Variants in UBE2V1 observed in about 807,000 individuals in gnomAD.
UBE2V1 encodes ubiquitin conjugating enzyme E2 V1.
In UBE2V1, 15 loss-of-function variants were observed where a neutral mutation model predicts 19.6. The ratio of observed to expected loss-of-function variants is 0.77; its 90% CI spans 0.51 to 1.18. UBE2V1 has a LOEUF of 1.18. Ranked by LOEUF, UBE2V1 falls within the 50% of genes most tolerant of loss-of-function variation. UBE2V1 has a pLI of 0.00. For missense variants in UBE2V1, 125 were observed against 184.8 expected, an observed-to-expected ratio of 0.68 and a Z score of 1.88; for synonymous variants, 60 against 60.7, an observed-to-expected ratio of 0.99 and a Z score of 0.05.
chr20:50,090,595 T>C (rs1208871427), intron 2 of UBE2V1, among the ~76,000 whole-genome samples: 3 of 151,932 alleles, frequency 2.0e-5, no homozygotes, highest in East Asian at 1.9e-4. Flanking sequence ...CAATTATACA[T>C]GGAATCTAAA....
chr20:50,101,334 T>C (rs913022205), intron 1 of UBE2V1, among the ~76,000 whole-genome samples: 3 of 152,138 alleles, frequency 2.0e-5, no homozygotes, highest in African/African-American at 7.2e-5. Context: ...AATAAACATT[T>C]ATTTCATTTG....
intron 1 of UBE2V1, among the ~76,000 whole-genome samples, chr20:50,105,282 T>C (rs1006275174): frequency 6.6e-6 from 1 of 152,214 alleles, no homozygotes; most frequent in Admixed American, 6.5e-5. Flanking sequence ...ACCCTAGTTA[T>C]AGAATTCAGG....
At chr20:50,097,339 T>C (rs760711867) in intron 1 of UBE2V1, among the ~76,000 whole-genome samples, 11 of 152,232 alleles carry the variant, frequency 7.2e-5, no homozygotes, top group Non-Finnish European at 1.5e-4. Context: ...AAATATTCTA[T>C]TGTTTTTCAA....
At chr20:50,111,004 T>C (rs753190270) in intron 1 of UBE2V1, among the ~76,000 whole-genome samples, 11 of 152,224 alleles carry the variant, frequency 7.2e-5, no homozygotes, top group Non-Finnish European at 8.8e-5. Context: ...CTTACTGCTA[T>C]CTGAAATTGT....
At position 50,082,598 on chromosome 20, in the gene UBE2V1, A is replaced by T. The variant is rs1416251387; in HGVS notation, c.*170T>A. Reference sequence around the variant, plus strand: ...AACTTATATATTTCAAATGGACAAAAAATTAGTATCATTTACAGTATCTTA... The same window carrying T: ...AACTTATATATTTCAAATGGACAAATAATTAGTATCATTTACAGTATCTTA... On this transcript the variant is annotated 3_prime_UTR_variant, in exon 4 of 4. Transcript: ENST00000371674. 3 of 1,255,754 alleles carry T rather than the reference A, an allele frequency of 2.4e-6. No individual in the cohort carries two copies. The highest frequency in any genetic ancestry group is 3.2e-6 in the Non-Finnish European group (3 of 941,776). 77.8% of individuals were successfully genotyped at this position (1,255,754 alleles called of 1,614,324 possible).
At chr20:50,087,566 G>C (rs2078994710) in intron 2 of UBE2V1, among the ~76,000 whole-genome samples, 1 of 152,120 alleles carries the variant, frequency 6.6e-6, no homozygotes, top group Non-Finnish European at 1.5e-5. Flanking sequence ...GAGAAATACT[G>C]CTCTTAAGAT....
chr20:50,103,171 A>G (rs990812769), intron 1 of UBE2V1, among the ~76,000 whole-genome samples: 2 of 152,314 alleles, frequency 1.3e-5, no homozygotes, highest in African/African-American at 4.8e-5. Flanking sequence ...TGAATCTCCA[A>G]TGTGTCAGGG....
chr20:50,111,440 A>G, intron 1 of UBE2V1: 1 of 1,000,152 alleles, frequency 1.0e-6, no homozygotes, highest in Non-Finnish European at 1.2e-6. Context: ...GTTTATTACG[A>G]CCCGGTAGGA....
chr20:50,096,577 G>A, intron 2 of UBE2V1, 95 bp downstream of exon 2: 2 of 1,605,486 alleles, frequency 1.2e-6, no homozygotes, highest in Non-Finnish European at 1.7e-6. Context: ...ATATACCATT[G>A]GTGAGCTTTT....
At chr20:50,089,944 G>C (rs374677811) in intron 2 of UBE2V1, among the ~76,000 whole-genome samples, 7 of 152,120 alleles carry the variant, frequency 4.6e-5, no homozygotes, top group Admixed American at 3.9e-4. Context: ...AGCTGGTTCT[G>C]GGCTTCAGTG....
intron 1 of UBE2V1, among the ~76,000 whole-genome samples, chr20:50,107,534 G>A (rs569300836): frequency 1.3e-5 from 2 of 151,808 alleles, no homozygotes; most frequent in African/African-American, 4.8e-5. Flanking sequence ...GAGAAGGGGA[G>A]GATGGTTAAT....
chr20:50,097,777 A>G (rs2147098282), intron 1 of UBE2V1, among the ~76,000 whole-genome samples: 1 of 152,346 alleles, frequency 6.6e-6, no homozygotes. Flanking sequence ...TCAATTGGCC[A>G]GACTCTCAGA....
At chr20:50,099,073 T>A in intron 1 of UBE2V1, 1 of 720,910 alleles carries the variant, frequency 1.4e-6, no homozygotes, top group Non-Finnish European at 1.7e-6. Flanking sequence ...TAATCCTAAT[T>A]AGGCTAGCGG....
At chr20:50,098,396 G>A (rs1315025630) in intron 1 of UBE2V1, among the ~76,000 whole-genome samples, 1 of 152,222 alleles carries the variant, frequency 6.6e-6, no homozygotes, top group Non-Finnish European at 1.5e-5. Flanking sequence ...TCAGACTGCT[G>A]TGTGAGGATG....
chr20:50,099,866 C>T (rs1475924343), intron 1 of UBE2V1, among the ~76,000 whole-genome samples: 1 of 152,156 alleles, frequency 6.6e-6, no homozygotes, highest in Non-Finnish European at 1.5e-5. Context: ...CTTTGAGAGG[C>T]CAAGACAATC....
At chr20:50,108,045 C>T (rs1020041762) in intron 1 of UBE2V1, among the ~76,000 whole-genome samples, 1 of 152,166 alleles carries the variant, frequency 6.6e-6, no homozygotes, top group African/African-American at 2.4e-5. Context: ...GCGGCAGGGC[C>T]TTGTGGGCCA....
intron 2 of UBE2V1, among the ~76,000 whole-genome samples, chr20:50,088,678 TC>T (rs1167608994): frequency 6.6e-6 from 1 of 151,166 alleles, no homozygotes; most frequent in Non-Finnish European, 1.5e-5. Context: ...CTTGGCTACT[TC>T]GGAGGCTGAG....
intron 1 of UBE2V1, among the ~76,000 whole-genome samples, chr20:50,101,093 T>C (rs908663054): frequency 3.3e-5 from 5 of 152,234 alleles, no homozygotes; most frequent in Non-Finnish European, 7.3e-5. Context: ...GTCAGGTCAA[T>C]TTATTTTAGG....
At position 50,093,114 on chromosome 20, in the gene UBE2V1, T is replaced by C. The variant is rs193301582; in HGVS notation, c.171+3558A>G. 1.2e-4 allele frequency among the ~76,000 whole-genome samples: 18 copies of C among 152,382 alleles called. No homozygotes were observed. In the East Asian group the frequency reaches 3.5e-3, roughly 29 times the overall value. ...CATTGTTCAACAGCTAAACAGGACA[T>C]AATATGGTATACTCAAAGACAATGA... On this transcript the variant is annotated intron_variant, in intron 2 of 3. Transcript: ENST00000371674.
Sources: gnomAD v4.1 joint callset for allele counts (sites outside exome capture counted in the v4.1 genomes callset) on GRCh38, gnomAD v4.1.1 for gene constraint, MANE v1.5 for transcripts, NCBI Gene and HGNC (gene_info 2026-07-23, HGNC 2026-07-21) for gene names.